Variants in DOCK9 observed in about 807,000 individuals in gnomAD.
DOCK9 encodes the protein dedicator of cytokinesis 9.
A neutral mutation model predicts 263.3 loss-of-function variants in DOCK9; 89 were observed. That is an observed-to-expected ratio of 0.34 (90% CI 0.28 to 0.40). The LOEUF is 0.40. Among genes scored for constraint, DOCK9 ranks in the 10% least tolerant of loss-of-function variants. The pLI is 1.00. For missense variants in DOCK9, 2,140 were observed against 2,603.4 expected (o/e 0.82, Z 3.87); for synonymous variants, 976 against 973.1 (o/e 1.00, Z -0.06).
chr13:98,857,432 G>A (rs990234246), intron 33 of DOCK9: 3 of 152,226 alleles, frequency 2.0e-5, no homozygotes, highest in Non-Finnish European at 2.9e-5. Context: ...GTGATTACAG[G>A]CGACTGCCAC....
At chr13:98,824,004 G>A (rs1048932026) in intron 45 of DOCK9, among the ~76,000 whole-genome samples, 7 of 152,178 alleles carry the variant, frequency 4.6e-5, no homozygotes, top group African/African-American at 1.7e-4. Flanking sequence ...GTTTGCCCTG[G>A]GGATATGACT....
chr13:98,862,773 T>C (rs2093910911), intron 32 of DOCK9, among the ~76,000 whole-genome samples: 1 of 151,764 alleles, frequency 6.6e-6, no homozygotes, highest in Non-Finnish European at 1.5e-5. Flanking sequence ...AGGCAGAGAC[T>C]GGCGCGATGC....
chr13:99,049,646 C>G (rs753283988), intron 1 of DOCK9, among the ~76,000 whole-genome samples: 1 of 152,120 alleles, frequency 6.6e-6, no homozygotes, highest in Non-Finnish European at 1.5e-5. Context: ...ACCCACATAG[C>G]TGGGACCACA....
intron 1 of DOCK9, among the ~76,000 whole-genome samples, chr13:98,962,651 A>C (rs532491681): frequency 1.4e-5 from 2 of 143,482 alleles, no homozygotes; most frequent in Non-Finnish European, 3.2e-5. Flanking sequence ...AAAAAAAAAA[A>C]GAAAAAAAAA....
chr13:98,853,529 A>T lies in DOCK9; in HGVS notation c.3832-7T>A. The T allele has an allele frequency of 6.3e-7, 1 of 1,587,040 alleles. No homozygotes were observed. Among genetic ancestry groups the T allele is most frequent in the Non-Finnish European group, 8.6e-7 (1 of 1,158,988 alleles). On this transcript the variant is annotated splice_region_variant and splice_polypyrimidine_tract_variant and intron_variant, in intron 34 of 52. Coordinates refer to ENST00000682017, the MANE Select transcript of DOCK9 (RefSeq NM_001366683.2). ...ATGTGCTACTTTGTTGGTGCTAAAAAGAAAATACAGGTGATTTTTCTATTT... is the reference window on the plus strand; with the variant it reads ...ATGTGCTACTTTGTTGGTGCTAAAATGAAAATACAGGTGATTTTTCTATTT...
At chr13:98,970,317 G>A (rs185524950) in intron 1 of DOCK9, among the ~76,000 whole-genome samples, 2 of 152,312 alleles carry the variant, frequency 1.3e-5, no homozygotes, top group Non-Finnish European at 2.9e-5. Flanking sequence ...TTTAGAAAGA[G>A]TGGTCTGATA....
At chr13:99,087,825 G>C (rs1017598170), upstream of DOCK9, 1 of 152,310 alleles carries the variant, frequency 6.6e-6, no homozygotes, top group African/African-American at 2.4e-5. Context: ...CCTTCCGATG[G>C]ACAGTTCCTT....
chr13:98,967,379 T>C (rs2059315629), intron 1 of DOCK9, among the ~76,000 whole-genome samples: 1 of 152,200 alleles, frequency 6.6e-6, no homozygotes. Context: ...TACACGCATA[T>C]TGTCTCATTA....
At chr13:99,024,254 C>A (rs1182471294) in intron 1 of DOCK9, among the ~76,000 whole-genome samples, 2 of 152,094 alleles carry the variant, frequency 1.3e-5, no homozygotes, top group African/African-American at 4.8e-5. Flanking sequence ...ACCCATGGCC[C>A]CACTGTAAAT....
intron 1 of DOCK9, among the ~76,000 whole-genome samples, chr13:99,022,803 C>G (rs947500823): frequency 1.3e-5 from 2 of 152,066 alleles, no homozygotes; most frequent in Non-Finnish European, 2.9e-5. Context: ...TGAAAATTGG[C>G]TGGATGTGAT....
At chr13:98,836,866 A>G (rs2093020310) in intron 39 of DOCK9, among the ~76,000 whole-genome samples, 1 of 152,196 alleles carries the variant, frequency 6.6e-6, no homozygotes, top group Admixed American at 6.5e-5. Context: ...TGGCATATAA[A>G]CACTCATTCA....
intron 15 of DOCK9, among the ~76,000 whole-genome samples, chr13:98,893,003 C>T (rs546108899): frequency 6.6e-6 from 1 of 152,188 alleles, no homozygotes; most frequent in South Asian, 2.1e-4. Context: ...GAGTAGAGTT[C>T]CCTGAGAAAG....
chr13:98,991,784 A>G (rs1595849020), intron 1 of DOCK9, among the ~76,000 whole-genome samples: 1 of 151,966 alleles, frequency 6.6e-6, no homozygotes, highest in African/African-American at 2.4e-5. Flanking sequence ...CGACTTTCCA[A>G]TCTCCTTGGC....
intron 1 of DOCK9, among the ~76,000 whole-genome samples, chr13:98,983,486 A>C (rs1877712642): frequency 6.6e-6 from 1 of 152,136 alleles, no homozygotes; most frequent in Non-Finnish European, 1.5e-5. Flanking sequence ...ACAGCAAGAG[A>C]AGATGTGGTG....
At chr13:98,975,803 T>C (rs2060213421) in intron 1 of DOCK9, among the ~76,000 whole-genome samples, 1 of 152,220 alleles carries the variant, frequency 6.6e-6, no homozygotes, top group East Asian at 1.9e-4. Context: ...CGTCTCTAGG[T>C]ATAATGCATT....
At chr13:98,979,229 T>TAGTAGC (rs1555439294), upstream of DOCK9, among the ~76,000 whole-genome samples, 40 of 125,076 alleles carry the variant, frequency 3.2e-4, no homozygotes, top group South Asian at 7.9e-4. Flanking sequence ...GTAGTAGTAG[T>TAGTAGC]AGCAGCAGCG....
At position 98,901,797 on chromosome 13, in the gene DOCK9, T is replaced by C; in HGVS notation, c.1484A>G (p.Lys495Arg). The C allele has an allele frequency of 1.2e-6, 2 of 1,612,814 alleles. No homozygotes were observed. Among genetic ancestry groups the C allele is most frequent in the South Asian group, 1.1e-5 (1 of 90,702 alleles). ...SITHCAEPYM[K>R]SSDSSKVAQK... ...TCATACCTTAGAAGAGTCTGAACTT[T>C]TCATATATGGCTCAGCGCAATGTGT... Residue 495 changes from lysine to arginine, a missense_variant, in exon 13 of 53, where the codon AAA (lysine) becomes AGA (arginine). Lys to Arg is a conservative substitution (Grantham distance 26, BLOSUM62 2). Transcript: ENST00000682017.
At chr13:99,017,218 T>A (rs988897090) in intron 1 of DOCK9, among the ~76,000 whole-genome samples, 4 of 152,182 alleles carry the variant, frequency 2.6e-5, no homozygotes, top group African/African-American at 9.7e-5. Context: ...GTTGTGACAC[T>A]AGGAGAATCT....
At chr13:98,990,681 GGACA>G (rs763983729) in intron 1 of DOCK9, among the ~76,000 whole-genome samples, 3 of 152,172 alleles carry the variant, frequency 2.0e-5, no homozygotes, top group Non-Finnish European at 4.4e-5. Context: ...ACAAAAATGA[GGACA>G]GACAATCCCA....
Sources: allele counts gnomAD v4.1 joint callset (sites outside exome capture counted in the v4.1 genomes callset), GRCh38; gene constraint gnomAD v4.1.1; transcripts MANE v1.5; gene names NCBI Gene and HGNC (gene_info 2026-07-23, HGNC 2026-07-21).